The following PHACTR4 variants were observed in gnomAD, a reference collection of about 807,000 sequenced individuals.
The protein encoded by PHACTR4 is phosphatase and actin regulator 4.
Under a neutral mutation model 72.7 loss-of-function variants are expected in PHACTR4, and 51 were observed. The ratio of observed to expected loss-of-function variants is 0.70; its 90% CI spans 0.56 to 0.89. The LOEUF (loss-of-function observed/expected upper bound fraction) is 0.89, where lower values mean the gene tolerates loss of function less well. Ranked by LOEUF, PHACTR4 falls within the 40% of genes least tolerant of loss-of-function variation. The probability of loss-of-function intolerance (pLI) is 0.00; values close to 1 mark genes in which losing one functional copy is unlikely to be tolerated. For missense variants in PHACTR4, 731 were observed against 861.8 expected, an observed-to-expected ratio of 0.85 and a Z score of 1.90; for synonymous variants, 255 against 302.5, an observed-to-expected ratio of 0.84 and a Z score of 1.63.
intron 9 of PHACTR4, among the ~76,000 whole-genome samples, chr1:28,481,803 GA>G (rs1453197812): frequency 6.8e-6 from 1 of 146,222 alleles, no homozygotes. Flanking sequence ...AAAAAAAAAA[GA>G]AAAGAAAAGA....
intron 6 of PHACTR4, 185 bp downstream of exon 6, chr1:28,466,953 G>A (rs747958413): frequency 2.9e-5 from 23 of 803,484 alleles, no homozygotes; most frequent in East Asian, 5.7e-5. Flanking sequence ...GGTGGCTCAC[G>A]CCTGTAATCC....
At chr1:28,381,471 TG>T (rs1216273745) in intron 1 of PHACTR4, among the ~76,000 whole-genome samples, 2 of 151,172 alleles carry the variant, frequency 1.3e-5, no homozygotes, top group African/African-American at 2.4e-5. Context: ...GCTAATTTTT[TG>T]TGTTTTTAGT....
chr1:28,456,724 G>A (rs1658409149), intron 2 of PHACTR4, among the ~76,000 whole-genome samples: 1 of 151,880 alleles, frequency 6.6e-6, no homozygotes, highest in African/African-American at 2.4e-5. Flanking sequence ...TGTAGCCAGT[G>A]TCTGTAATCT....
At chr1:28,401,984 G>A (rs992802158) in intron 1 of PHACTR4, among the ~76,000 whole-genome samples, 3 of 152,152 alleles carry the variant, frequency 2.0e-5, no homozygotes, top group African/African-American at 7.2e-5. Flanking sequence ...TTAATTAGGG[G>A]TTGATTGTAC....
intron 1 of PHACTR4, among the ~76,000 whole-genome samples, chr1:28,402,450 TATTA>T (rs1654012299): frequency 6.6e-6 from 1 of 151,972 alleles, no homozygotes; most frequent in South Asian, 2.1e-4. Context: ...ATATAGGGGG[TATTA>T]AAAATGGTAG....
intron 2 of PHACTR4, among the ~76,000 whole-genome samples, chr1:28,458,789 C>A (rs1380911426): frequency 6.6e-6 from 1 of 152,198 alleles, no homozygotes; most frequent in Non-Finnish European, 1.5e-5. Flanking sequence ...AAGATATCCA[C>A]ATTTTGTATA....
At chr1:28,486,199 A>T (rs1469578988) in intron 9 of PHACTR4, among the ~76,000 whole-genome samples, 6 of 151,616 alleles carry the variant, frequency 4.0e-5, no homozygotes, top group Non-Finnish European at 8.8e-5. Context: ...TCTACTAAAA[A>T]TACAAAATTA....
chr1:28,470,220 C>T (rs1323646772), intron 6 of PHACTR4, among the ~76,000 whole-genome samples: 2 of 151,900 alleles, frequency 1.3e-5, no homozygotes, highest in Non-Finnish European at 2.9e-5. Context: ...TAGCAAGACC[C>T]CATCTCTATA....
At chr1:28,490,216 G>A (rs1197687324) in intron 10 of PHACTR4, among the ~76,000 whole-genome samples, 4 of 152,076 alleles carry the variant, frequency 2.6e-5, no homozygotes, top group Non-Finnish European at 2.9e-5. Context: ...TATTTGTATC[G>A]TTGACAAGAA....
intron 2 of PHACTR4, among the ~76,000 whole-genome samples, chr1:28,419,050 T>TTTTTTTTTTTTTTTTTTGAGACGG (rs1210043704): frequency 2.4e-4 from 36 of 147,186 alleles, no homozygotes; most frequent in African/African-American, 6.2e-4. Flanking sequence ...GATTTTTTTC[T>TTTTTTTTTTTTTTTTTTGAGACGG]AGGGAAGTTT....
At chr1:28,372,672 T>G (rs761029481) in intron 1 of PHACTR4, among the ~76,000 whole-genome samples, 15 of 151,842 alleles carry the variant, frequency 9.9e-5, no homozygotes, top group Admixed American at 5.9e-4. Flanking sequence ...GCCAACATGG[T>G]AAAATCCCAT....
At chr1:28,422,689 C>A (rs1204004412) in intron 2 of PHACTR4, 1 of 152,200 alleles carries the variant, frequency 6.6e-6, no homozygotes, top group Non-Finnish European at 1.5e-5. Flanking sequence ...GTTCTTTGAA[C>A]AGTTTAGTGG....
intron 2 of PHACTR4, among the ~76,000 whole-genome samples, chr1:28,426,145 C>T (rs562752006): frequency 4.9e-4 from 74 of 150,994 alleles, no homozygotes; most frequent in African/African-American, 1.7e-3. Context: ...CGCTTGAACC[C>T]GGGAGGCGGA....
chr1:28,491,077 A>G (rs1661009049), intron 11 of PHACTR4, 65 bp downstream of exon 11: 6 of 1,502,310 alleles, frequency 4.0e-6, no homozygotes, highest in African/African-American at 1.4e-5. Context: ...TTGATTGGAA[A>G]TGAATTCACA....
chr1:28,475,200 C>T (rs1659845491), intron 7 of PHACTR4, among the ~76,000 whole-genome samples: 1 of 152,024 alleles, frequency 6.6e-6, no homozygotes, highest in Admixed American at 6.6e-5. Flanking sequence ...GTCTGCCTGC[C>T]TCAACCTCCC....
chr1:28,489,115 TA>T (rs1660883182), intron 9 of PHACTR4, 54 bp from the exon 10 acceptor site: 1 of 1,482,866 alleles, frequency 6.7e-7, no homozygotes, highest in Admixed American at 1.8e-5. Context: ...AAAATCTTTA[TA>T]AACAAGATTG....
intron 9 of PHACTR4, among the ~76,000 whole-genome samples, chr1:28,484,553 T>C (rs552798776): frequency 6.6e-6 from 1 of 151,712 alleles, no homozygotes; most frequent in African/African-American, 2.4e-5. Flanking sequence ...TATATGTGTG[T>C]ATGTAATATA....
At position 28,407,464 on chromosome 1, in the gene PHACTR4, G is replaced by A. The variant is rs370182609; in HGVS notation, c.16+1G>A. On this transcript the variant is annotated splice_donor_variant, in intron 2 of 13. Transcript: ENST00000373839. LOFTEE classifies it high-confidence loss of function. ...AATAGTGGCATGGAAGATCCATTTG[G>A]TGAGTATCACCTACATTGTTCTTAG... The A allele has an allele frequency of 1.1e-5, 17 of 1,606,274 alleles. No individual in the cohort carries two copies. The highest frequency in any genetic ancestry group is 1.4e-5 in the Non-Finnish European group (16 of 1,174,376).
intron 1 of PHACTR4, among the ~76,000 whole-genome samples, chr1:28,385,415 A>G (rs1652481131): frequency 6.6e-6 from 1 of 151,664 alleles, no homozygotes; most frequent in African/African-American, 2.4e-5. Context: ...ATGGTGGTGC[A>G]TGCCTATAGT....
Sources: gnomAD v4.1 joint callset for allele counts (sites outside exome capture counted in the v4.1 genomes callset) on GRCh38, gnomAD v4.1.1 for gene constraint, MANE v1.5 for transcripts, NCBI Gene and HGNC (gene_info 2026-07-23, HGNC 2026-07-21) for gene names.